The following RASA3 variants were observed in gnomAD, a reference collection of about 807,000 sequenced individuals.
The protein encoded by RASA3 is ras GTPase-activating protein 3.
Under a neutral mutation model 110.0 loss-of-function variants are expected in RASA3, and 73 were observed. The ratio of observed to expected loss-of-function variants is 0.66; its 90% CI spans 0.55 to 0.81. RASA3 has a LOEUF of 0.81. Ranked by LOEUF, RASA3 falls within the 30% of genes least tolerant of loss-of-function variation. The probability of loss-of-function intolerance (pLI) is 0.00; values close to 1 mark genes in which losing one functional copy is unlikely to be tolerated. For synonymous variants in RASA3, 500 were observed against 451.4 expected (o/e 1.11, Z -1.37); for missense variants, 976 against 1,113.2 (o/e 0.88, Z 1.75).
intron 1 of RASA3, among the ~76,000 whole-genome samples, chr13:114,124,455 G>A (rs1241235955): frequency 1.3e-5 from 2 of 152,232 alleles, no homozygotes; most frequent in African/African-American, 2.4e-5. Context: ...CAGGCCCGAC[G>A]AGGGCGTTCC....
chr13:114,053,855 G>A (rs2079194010), intron 2 of RASA3, among the ~76,000 whole-genome samples: 1 of 152,282 alleles, frequency 6.6e-6, no homozygotes. Flanking sequence ...GGCCAGTGCT[G>A]TGGCTCACGC....
At chr13:113,982,200 G>A (rs886991297) in intron 22 of RASA3, among the ~76,000 whole-genome samples, 1 of 152,176 alleles carries the variant, frequency 6.6e-6, no homozygotes, top group Non-Finnish European at 1.5e-5. Flanking sequence ...CCACCAGCCC[G>A]CCCAGCCAGA....
chr13:114,054,436 A>G (rs1314051701), intron 2 of RASA3, among the ~76,000 whole-genome samples: 2 of 151,630 alleles, frequency 1.3e-5, no homozygotes, highest in Non-Finnish European at 3.0e-5. Context: ...TGCTGCCCGG[A>G]GCCCAGGTGG....
chr13:114,000,863 G>A lies in RASA3; in HGVS notation c.1812C>T (p.Arg604=). 1 of 1,613,792 alleles carries A rather than the reference G, an allele frequency of 6.2e-7. No homozygotes were observed. The highest frequency in any genetic ancestry group is 1.3e-5 in the African/African-American group (1 of 75,026). ...GGTAGGTAAATTCATGGTTGGTCAAGCGAAACCATCTCTTCTTAAAATTCT... is the reference window on the plus strand; with the variant it reads ...GGTAGGTAAATTCATGGTTGGTCAAACGAAACCATCTCTTCTTAAAATTCT... ...GMKNFKKRWF[R]LTNHEFTYHK... is the part of the protein sequence containing the mutation. The change falls in exon 19 of 24, where the codon CGC becomes CGT. Residue 604 remains arginine, a synonymous_variant. Coordinates refer to ENST00000334062, the MANE Select transcript of RASA3 (RefSeq NM_007368.4).
chr13:114,105,654 G>T (rs1004670206), intron 1 of RASA3, among the ~76,000 whole-genome samples: 3 of 152,220 alleles, frequency 2.0e-5, no homozygotes, highest in Non-Finnish European at 2.9e-5. Flanking sequence ...CCTGAGGCTG[G>T]ACGGGAGGCA....
At chr13:114,030,862 C>CGGCT (rs2054151413) in intron 4 of RASA3, among the ~76,000 whole-genome samples, 1 of 151,048 alleles carries the variant, frequency 6.6e-6, no homozygotes, top group Non-Finnish European at 1.5e-5. Context: ...CCTGTGTGTG[C>CGGCT]GGCTGTGTGT....
chr13:114,090,961 T>C (rs889607838), intron 1 of RASA3, among the ~76,000 whole-genome samples: 1 of 152,190 alleles, frequency 6.6e-6, no homozygotes, highest in Admixed American at 6.5e-5. Context: ...TTGGTGGTGT[T>C]ATTGTTCAGT....
intron 2 of RASA3, 62 bp from the exon 3 acceptor site, chr13:114,052,217 G>A: frequency 1.8e-6 from 2 of 1,118,424 alleles, no homozygotes; most frequent in Middle Eastern, 2.0e-4. Context: ...CACCCCCGGG[G>A]CACACACGTG....
At chr13:114,090,198 C>T (rs7335140) in intron 1 of RASA3, among the ~76,000 whole-genome samples, 143,346 of 152,202 alleles carry the variant, frequency 0.94, 67,856 homozygotes, top group Non-Finnish European at 1. Flanking sequence ...GGTTTAATTA[C>T]CCTAGGAGCC....
At chr13:114,015,355 G>A in intron 13 of RASA3, 23 bp from the exon 14 acceptor site, 1 of 1,611,284 alleles carries the variant, frequency 6.2e-7, no homozygotes, top group Non-Finnish European at 8.5e-7. Context: ...ACGGCACTGG[G>A]ACCCACTCCC....
chr13:114,001,000 A>T (rs1027454383), intron 18 of RASA3, 68 bp from the exon 19 acceptor site: 14 of 1,002,978 alleles, frequency 1.4e-5, no homozygotes, highest in Non-Finnish European at 2.1e-5. Context: ...GAAAAACCAC[A>T]CCCCCCACTT....
chr13:113,999,659 G>A lies in RASA3; in HGVS notation c.1858C>T (p.Pro620Ser), dbSNP rs749215187. ...FTYHKSKGDQ[P>S]LYSIPIENIL... Reference sequence around the variant, plus strand: ...TTCTCGATGGGAATGCTGTAGAGAGGCTGGTCCCCTGCAGCAGAGATGGAC... The same window carrying A: ...TTCTCGATGGGAATGCTGTAGAGAGACTGGTCCCCTGCAGCAGAGATGGAC... The change falls in exon 20 of 24, where the codon CCT (proline) becomes TCT (serine). Residue 620 changes from proline to serine, a missense_variant. Pro to Ser is a moderately conservative substitution (Grantham distance 74). Transcript: ENST00000334062. 4.7e-5 allele frequency: 75 copies of A among 1,612,814 alleles called. No individual in the cohort carries two copies. Among genetic ancestry groups the A allele is most frequent in the Non-Finnish European group, 6.3e-5 (74 of 1,179,624 alleles).
At position 114,096,867 on chromosome 13, in the gene RASA3, A is replaced by C. The variant is rs560016503; in HGVS notation, c.56-23030T>G. Among the ~76,000 whole-genome samples, 12 of 152,090 alleles carry C rather than the reference A, an allele frequency of 7.9e-5. No homozygotes were observed. The South Asian group carries it at 2.5e-3, about 32-fold the overall frequency. The stretch of plus-strand genomic sequence containing the variant: ...GCTCCCTCGGACGTACTCGCCCTAC[A>C]CCCCAGCCAAACGCACTCCGTGTTT... On this transcript the variant is annotated intron_variant, in intron 1 of 23. Coordinates refer to ENST00000334062, the MANE Select transcript of RASA3 (RefSeq NM_007368.4). This position sits in a 1 kb window ranked among gnomAD's most constrained non-coding sequence, Gnocchi z 5.1.
chr13:114,098,787 G>C (rs959475079), intron 1 of RASA3, among the ~76,000 whole-genome samples: 1 of 152,010 alleles, frequency 6.6e-6, no homozygotes, highest in Admixed American at 6.6e-5. Context: ...ACCTCAGAAG[G>C]GATTTAAAGA....
intron 17 of RASA3, 120 bp from the exon 18 acceptor site, chr13:114,007,726 C>G: frequency 2.4e-6 from 2 of 827,000 alleles, no homozygotes; most frequent in African/African-American, 1.7e-5. Context: ...GAGACAGAAT[C>G]TGGGCAAGTG....
intron 21 of RASA3, among the ~76,000 whole-genome samples, chr13:113,993,164 T>A (rs1242318304): frequency 6.6e-6 from 1 of 152,176 alleles, no homozygotes; most frequent in Admixed American, 6.5e-5. Flanking sequence ...GGCTGTGTGC[T>A]TGTTTCCCTG....
chr13:114,132,180 G>A (rs1490118295), intron 1 of RASA3, among the ~76,000 whole-genome samples: 1 of 152,244 alleles, frequency 6.6e-6, no homozygotes, highest in Non-Finnish European at 1.5e-5. Flanking sequence ...ACCAGGGACC[G>A]GGGCCGCTCC....
At chr13:114,043,778 C>T (rs1039396421) in intron 3 of RASA3, among the ~76,000 whole-genome samples, 20 of 151,944 alleles carry the variant, frequency 1.3e-4, no homozygotes, top group African/African-American at 4.6e-4. Context: ...TCTAATGGCG[C>T]AGACCACGAG....
Position 114,011,119 on chromosome 13 carries a change from G to A in RASA3, c.1590+52C>T, listed in dbSNP as rs973905000. On this transcript the variant is annotated intron_variant, in intron 16 of 23. Coordinates refer to ENST00000334062, the MANE Select transcript of RASA3 (RefSeq NM_007368.4). The surrounding 1 kb of genome is among the most constrained non-coding windows in gnomAD (Gnocchi z 4.8). ...GTTTTTCACGTGTATTTTCTGAAGA[G>A]AGAAAAGAATCAGTTGTCCCTAAAA... The A allele has an allele frequency of 4.6e-5, 68 of 1,473,094 alleles. No homozygotes were observed. The East Asian group carries it at 1.4e-3, about 30-fold the overall frequency. 91.3% of individuals were successfully genotyped at this position (1,473,094 alleles called of 1,614,324 possible). A position where few individuals can be genotyped will look rare whatever the true frequency, so the allele number is the denominator to read the frequency against.
Sources: gnomAD v4.1 joint callset for allele counts (sites outside exome capture counted in the v4.1 genomes callset) on GRCh38, gnomAD v4.1.1 for gene constraint, Gnocchi (gnomAD v3.1) non-coding constraint, MANE v1.5 for transcripts, NCBI Gene and HGNC (gene_info 2026-07-23, HGNC 2026-07-21) for gene names.